The following FRY variants were observed in gnomAD, a reference collection of about 807,000 sequenced individuals.
The protein encoded by FRY is protein furry homolog.
Under a neutral mutation model 348.4 loss-of-function variants are expected in FRY, and 128 were observed. The ratio of observed to expected loss-of-function variants is 0.37; its 90% CI spans 0.32 to 0.43. The LOEUF is 0.43. FRY is among the 20% of genes least tolerant of loss of function. The probability of loss-of-function intolerance (pLI) is 1.00; values close to 1 mark genes in which losing one functional copy is unlikely to be tolerated. For missense variants in FRY, 2,736 were observed against 3,695.2 expected (o/e 0.74, Z 6.73); for synonymous variants, 1,370 against 1,374.7 (o/e 1.00, Z 0.08).
intron 54 of FRY, 87 bp downstream of exon 54, chr13:32,265,703 CA>C: frequency 7.7e-7 from 1 of 1,294,344 alleles, no homozygotes; most frequent in Non-Finnish European, 1.1e-6. Flanking sequence ...GTCACAGTTG[CA>C]CTGCTGGGAC....
chr13:32,273,582 A>C, intron 55 of FRY, among the ~76,000 whole-genome samples: 1 of 152,172 alleles, frequency 6.6e-6, no homozygotes, highest in Admixed American at 6.5e-5. Context: ...GATGTACATT[A>C]AGCTCTAAGA....
At chr13:32,188,062 C>G (rs1463663580) in intron 28 of FRY, among the ~76,000 whole-genome samples, 1 of 152,028 alleles carries the variant, frequency 6.6e-6, no homozygotes, top group Non-Finnish European at 1.5e-5. Flanking sequence ...AGTACTATAT[C>G]CTAAACTTGT....
intron 1 of FRY, among the ~76,000 whole-genome samples, chr13:32,067,284 G>C (rs368140): frequency 0.67 from 101,643 of 152,026 alleles, 34,234 homozygotes; most frequent in African/African-American, 0.68. Context: ...TCCACCTACT[G>C]CGTGGCCCAG....
At chr13:32,109,367 A>T (rs1050000810) in intron 3 of FRY, among the ~76,000 whole-genome samples, 1 of 152,194 alleles carries the variant, frequency 6.6e-6, no homozygotes, top group Non-Finnish European at 1.5e-5. Context: ...TACACAAATA[A>T]AGTGGCAATG....
At chr13:32,201,690 A>G (rs1884039457) in intron 29 of FRY, among the ~76,000 whole-genome samples, 1 of 152,178 alleles carries the variant, frequency 6.6e-6, no homozygotes, top group Admixed American at 6.5e-5. Context: ...CCCAGTATTT[A>G]TGCATCAGAT....
intron 4 of FRY, among the ~76,000 whole-genome samples, chr13:32,120,605 A>G (rs1878591192): frequency 6.6e-6 from 1 of 152,114 alleles, no homozygotes; most frequent in South Asian, 2.1e-4. Flanking sequence ...GTAGTCTTTT[A>G]TCCCTCGCCC....
At chr13:32,115,259 A>T (rs909171531) in intron 3 of FRY, among the ~76,000 whole-genome samples, 1 of 152,188 alleles carries the variant, frequency 6.6e-6, no homozygotes, top group African/African-American at 2.4e-5. Flanking sequence ...TTCCTGCTTT[A>T]TAAAAGGAAG....
At chr13:32,219,127 C>T (rs1434285038) in intron 36 of FRY, among the ~76,000 whole-genome samples, 2 of 140,548 alleles carry the variant, frequency 1.4e-5, no homozygotes, top group African/African-American at 5.4e-5. Context: ...CTCGCTTTGT[C>T]GCCCAGGCTG....
At chr13:32,222,504 G>A (rs573423170) in intron 36 of FRY, among the ~76,000 whole-genome samples, 169 of 152,274 alleles carry the variant, frequency 1.1e-3, no homozygotes, top group African/African-American at 3.4e-3. Context: ...GAGCTACCGC[G>A]ACCAGCCAAA....
chr13:32,059,416 C>T (rs1593568915), intron 1 of FRY, among the ~76,000 whole-genome samples: 1 of 122,018 alleles, frequency 8.2e-6, no homozygotes, highest in Non-Finnish European at 1.6e-5. Context: ...TCTACAATTA[C>T]ATTCACAGAT....
chr13:32,136,885 G>A lies in FRY; in HGVS notation c.1092G>A (p.Leu364=). The change falls in exon 11 of 61, where the codon CTG becomes CTA. Residue 364 remains leucine, a synonymous_variant. Coordinates refer to ENST00000542859, the MANE Select transcript of FRY (RefSeq NM_023037.3). The part of the protein sequence containing the change: ...RKKHSLALYP[L]VTCLLCVSQK... ...TTTCTCCTCAGGCCTTGTACCCCCTGGTGACCTGTTTGCTCTGTGTCAGTC... is the reference window on the plus strand; with the variant it reads ...TTTCTCCTCAGGCCTTGTACCCCCTAGTGACCTGTTTGCTCTGTGTCAGTC... The A allele has an allele frequency of 3.1e-6, 5 of 1,598,336 alleles. No homozygotes were observed. Among genetic ancestry groups the A allele is most frequent in the Non-Finnish European group, 4.3e-6 (5 of 1,165,608 alleles).
At chr13:32,258,716 T>TC (rs1491177355) in intron 51 of FRY, among the ~76,000 whole-genome samples, 24 of 148,266 alleles carry the variant, frequency 1.6e-4, no homozygotes, top group Admixed American at 4.6e-4. Context: ...TATCTCTATC[T>TC]TTGTGTAGTG....
intron 23 of FRY, among the ~76,000 whole-genome samples, chr13:32,182,731 C>G (rs1882785990): frequency 6.6e-6 from 1 of 151,948 alleles, no homozygotes; most frequent in South Asian, 2.1e-4. Context: ...AAAATCAAGT[C>G]AACAAATAGA....
chr13:32,056,932 G>GA (rs1199009469), intron 1 of FRY, among the ~76,000 whole-genome samples: 1 of 151,900 alleles, frequency 6.6e-6, no homozygotes, highest in African/African-American at 2.4e-5. Flanking sequence ...GACCAATTAT[G>GA]AAAAAAATAA....
intron 17 of FRY, 33 bp downstream of exon 17, chr13:32,161,284 T>G (rs770303633): frequency 2.7e-5 from 34 of 1,270,000 alleles, no homozygotes; most frequent in Non-Finnish European, 3.8e-5. Flanking sequence ...CAAAATTAAT[T>G]TCGATCCTTT....
rs1329557205 is a variant in FRY at position 32,183,001 on chromosome 13, A to G, written c.3021A>G (p.Pro1007=). 3 of 1,606,954 alleles carry G rather than the reference A, an allele frequency of 1.9e-6. No individual in the cohort carries two copies. The highest frequency in any genetic ancestry group is 2.7e-5 in the African/African-American group (2 of 74,776). ...VFRELVEELH[P]LMKEALERRP... is the part of the protein sequence containing the mutation. ...GAGAATTGGTAGAAGAACTTCATCC[A>G]TTAATGAAAGAAGCTCTGGAAAGAA... The change falls in exon 24 of 61, where the codon CCA becomes CCG. Residue 1007 remains proline (P), a synonymous_variant. Coordinates refer to ENST00000542859, the MANE Select transcript of FRY (RefSeq NM_023037.3).
intron 35 of FRY, among the ~76,000 whole-genome samples, chr13:32,214,031 C>A (rs906158143): frequency 4.6e-5 from 7 of 152,314 alleles, no homozygotes; most frequent in African/African-American, 1.7e-4. Flanking sequence ...TATTTATCTA[C>A]CTATAACATT....
chr13:32,079,403 A>C (rs533232256), intron 2 of FRY, among the ~76,000 whole-genome samples: 2 of 152,272 alleles, frequency 1.3e-5, no homozygotes, highest in African/African-American at 4.8e-5. Flanking sequence ...TCTTTTGTCC[A>C]GTTTTTAAAG....
chr13:32,036,499 T>C (rs1195768545), intron 1 of FRY, among the ~76,000 whole-genome samples: 2 of 152,156 alleles, frequency 1.3e-5, no homozygotes, highest in African/African-American at 4.8e-5. Flanking sequence ...TTCAAATGCA[T>C]GAACAGTTCT....
Sources: gnomAD v4.1 joint callset for allele counts (sites outside exome capture counted in the v4.1 genomes callset) on GRCh38, gnomAD v4.1.1 for gene constraint, MANE v1.5 for transcripts, NCBI Gene and HGNC (gene_info 2026-07-23, HGNC 2026-07-21) for gene names.